DCC: variants seen among roughly 807,000 people sequenced by gnomAD.
DCC encodes the protein netrin receptor DCC.
In DCC, 58 loss-of-function variants were observed where a neutral mutation model predicts 172.5. The observed-to-expected ratio is 0.34, with a 90% CI of 0.27 to 0.42. The LOEUF (loss-of-function observed/expected upper bound fraction) is 0.42. DCC is among the 10% of genes least tolerant of loss of function. DCC has a pLI of 1.00. For missense variants in DCC, 1,740 were observed against 1,791.0 expected (o/e 0.97, Z 0.51); for synonymous variants, 709 against 644.5 (o/e 1.10, Z -1.52).
intron 5 of DCC, among the ~76,000 whole-genome samples, chr18:53,006,148 C>T (rs971841808): frequency 3.3e-5 from 5 of 152,120 alleles, no homozygotes; most frequent in Non-Finnish European, 5.9e-5. Flanking sequence ...AATACAGGAA[C>T]ATAAAAATAA....
chr18:53,526,873 G>A (rs2046462466), intron 28 of DCC, 114 bp downstream of exon 28: 6 of 222,206 alleles, frequency 2.7e-5, no homozygotes, highest in Non-Finnish European at 3.9e-5. Flanking sequence ...CCAGGCCATT[G>A]TTGTTCTTAT....
chr18:53,247,805 C>T lies in DCC; in HGVS notation c.1911+32208C>T, dbSNP rs556961079. 4.6e-5 allele frequency among the ~76,000 whole-genome samples: 7 copies of T among 152,030 alleles called. No homozygotes were observed. In the East Asian group the frequency reaches 1.2e-3, roughly 25 times the overall value. On this transcript the variant is annotated intron_variant, in intron 12 of 28. Transcript: ENST00000442544. Reference sequence around the variant, plus strand: ...GGTTACCCTTAGAAGTTGAAGCTTCCTTTAAAGTCTATTGAACTTCAGAAA... The same window carrying T: ...GGTTACCCTTAGAAGTTGAAGCTTCTTTTAAAGTCTATTGAACTTCAGAAA...
chr18:53,317,182 T>C (rs977809411), intron 13 of DCC, among the ~76,000 whole-genome samples: 8 of 152,234 alleles, frequency 5.3e-5, no homozygotes, highest in Non-Finnish European at 8.8e-5. Context: ...AAAGGCCTTT[T>C]CTGCATCTAT....
chr18:53,219,134 C>T (rs2144587231), intron 12 of DCC, among the ~76,000 whole-genome samples: 1 of 152,176 alleles, frequency 6.6e-6, no homozygotes, highest in African/African-American at 2.4e-5. Context: ...TAGAATTTGC[C>T]TTCATGCAGC....
chr18:52,599,989 T>A (rs1145300), intron 1 of DCC, among the ~76,000 whole-genome samples: 123,498 of 152,084 alleles, frequency 0.81, 50,912 homozygotes, highest in Middle Eastern at 0.92. Context: ...TAAAGGCCAG[T>A]ATTTATGTAA....
At chr18:52,884,389 CTTT>C (rs201014727) in intron 2 of DCC, among the ~76,000 whole-genome samples, 1 of 147,550 alleles carries the variant, frequency 6.8e-6, no homozygotes, top group African/African-American at 2.5e-5. Flanking sequence ...TTTTTTATTC[CTTT>C]TTTTTTTATT....
Position 53,486,782 on chromosome 18 carries a change from C to G in DCC, c.3737-15C>G. ...CATAAGGTTCAAAAAACCCATTAAC[C>G]TTTTTCTTTTGCAGCTGTCGTGAGC... is the stretch of plus-strand genomic sequence containing the variant. On this transcript the variant is annotated splice_polypyrimidine_tract_variant and intron_variant, in intron 25 of 28. Transcript: ENST00000442544. 1 of 1,614,002 alleles carries G rather than the reference C, an allele frequency of 6.2e-7. No individual in the cohort carries two copies. The highest frequency in any genetic ancestry group is 1.7e-5 in the Admixed American group (1 of 60,002).
At chr18:52,613,567 T>C (rs775642726) in intron 1 of DCC, among the ~76,000 whole-genome samples, 1 of 152,186 alleles carries the variant, frequency 6.6e-6, no homozygotes, top group Non-Finnish European at 1.5e-5. Flanking sequence ...TCTTGTTTTA[T>C]TTTATGCTTA....
rs1156290449 is a variant in DCC at position 52,657,758 on chromosome 18, C to T, written c.92-94296C>T. On this transcript the variant is annotated intron_variant, in intron 1 of 28. Transcript: ENST00000442544. ...TTTCTGCATGGGACTGTGAAAACCTCATGGATGGGGAGAGTATTTTCTCCC... is the reference window on the plus strand; with the variant it reads ...TTTCTGCATGGGACTGTGAAAACCTTATGGATGGGGAGAGTATTTTCTCCC... Among the ~76,000 whole-genome samples the T allele has an allele frequency of 3.3e-5, 5 of 152,136 alleles. No individual in the cohort carries two copies. The East Asian group carries it at 9.6e-4, about 29-fold the overall frequency.
At position 52,923,717 on chromosome 18, in the gene DCC, G is replaced by A; in HGVS notation, c.708G>A (p.Leu236=). 6.2e-7 allele frequency: 1 copy of A among 1,606,514 alleles called. No homozygotes were observed. Among genetic ancestry groups the A allele is most frequent in the Non-Finnish European group, 8.5e-7 (1 of 1,173,306 alleles). ...AEVRILSDPG[L]HRQLYFLQRP... ...GTTTTCCCCTCATAGATCCAGGACT[G>A]CATAGACAGCTGTATTTTCTGCAAA... The change falls in exon 4 of 29, where the codon CTG becomes CTA. Residue 236 remains leucine, a synonymous_variant. Transcript: ENST00000442544.
At chr18:53,445,913 C>T (rs756253239) in intron 22 of DCC, among the ~76,000 whole-genome samples, 1 of 151,632 alleles carries the variant, frequency 6.6e-6, no homozygotes, top group Non-Finnish European at 1.5e-5. Flanking sequence ...ACAGCAGAGA[C>T]AGGTATATTA....
rs143016244 is a variant in DCC, at chr18:53,532,572, C to A, written c.*1919C>A. ...TGACCTGGAATAAAGTGTTTCCTAACATAATATTGAATTATTCAGAAATAA... is the reference window on the plus strand; with the variant it reads ...TGACCTGGAATAAAGTGTTTCCTAAAATAATATTGAATTATTCAGAAATAA... On this transcript the variant is annotated 3_prime_UTR_variant, in exon 29 of 29. Coordinates refer to ENST00000442544, the MANE Select transcript of DCC (RefSeq NM_005215.4). 6.6e-6 allele frequency: 1 copy of A among 152,296 alleles called. No individual in the cohort carries two copies. Among genetic ancestry groups the A allele is most frequent in the Admixed American group, 6.5e-5 (1 of 15,296 alleles). The allele number at this position is 152,296 out of a possible 1,614,324, so 9.4% of individuals were successfully genotyped here.
At position 53,066,906 on chromosome 18, in the gene DCC, G is replaced by A. The variant is rs137961221; in HGVS notation, c.1261+740G>A. 1.6e-4 allele frequency among the ~76,000 whole-genome samples: 24 copies of A among 152,160 alleles called. No homozygotes were observed. In the East Asian group the frequency reaches 4.7e-3, roughly 30 times the overall value. ...GGCGGAAGGCGAAGGGGCAGCAAGT[G>A]CATCTTATGTGGCTGGTGCAGGAGA... On this transcript the variant is annotated intron_variant, in intron 7 of 28. Transcript: ENST00000442544.
chr18:53,159,993 G>T (rs180818160), intron 8 of DCC, among the ~76,000 whole-genome samples: 2 of 152,100 alleles, frequency 1.3e-5, no homozygotes, highest in African/African-American at 4.8e-5. Flanking sequence ...TGAAATTTAG[G>T]CTCAAAGTAT....
intron 1 of DCC, among the ~76,000 whole-genome samples, chr18:52,389,437 T>C (rs1985943265): frequency 6.6e-6 from 1 of 152,174 alleles, no homozygotes; most frequent in South Asian, 2.1e-4. Flanking sequence ...CTGACAATCT[T>C]ATGTTAATAA....
At chr18:52,892,858 C>T (rs1224536355) in intron 2 of DCC, among the ~76,000 whole-genome samples, 1 of 152,036 alleles carries the variant, frequency 6.6e-6, no homozygotes, top group Non-Finnish European at 1.5e-5. Flanking sequence ...TTATTAGCTC[C>T]AATTTTCCCC....
rs899758771 is a variant in DCC at position 52,642,081 on chromosome 18, C to T, written c.92-109973C>T. Among the ~76,000 whole-genome samples, 19 of 37,100 alleles carry T rather than the reference C, an allele frequency of 5.1e-4. 1 individual carries two copies. Among genetic ancestry groups the T allele is most frequent in the African/African-American group, 1.4e-3 (19 of 13,636 alleles). 24.3% of individuals were successfully genotyped at this position (37,100 alleles called of 152,430 possible). On this transcript the variant is annotated intron_variant, in intron 1 of 28. Transcript: ENST00000442544. ...GTGTGTGTATATATATATATATATA[C>T]ACACACACACACACACTCACACACA...
chr18:52,964,345 G>A (rs115017174), intron 5 of DCC, among the ~76,000 whole-genome samples: 66 of 152,122 alleles, frequency 4.3e-4, no homozygotes, highest in African/African-American at 1.5e-3. Context: ...TTTTCAAATT[G>A]TCCATTATTT....
intron 1 of DCC, among the ~76,000 whole-genome samples, chr18:52,415,208 TA>T (rs1191659428): frequency 6.6e-6 from 1 of 152,218 alleles, no homozygotes; most frequent in African/African-American, 2.4e-5. Context: ...CCTTTTCATA[TA>T]TTTTTTCAAA....
Sources: allele counts gnomAD v4.1 joint callset (sites outside exome capture counted in the v4.1 genomes callset), GRCh38; gene constraint gnomAD v4.1.1; transcripts MANE v1.5; gene names NCBI Gene and HGNC (gene_info 2026-07-23, HGNC 2026-07-21).